The following PPP4R4 variants were observed in gnomAD, a reference collection of about 807,000 sequenced individuals.
The protein encoded by PPP4R4 is protein phosphatase 4 regulatory subunit 4.
Under a neutral mutation model 121.8 loss-of-function variants are expected in PPP4R4, and 70 were observed. The ratio of observed to expected loss-of-function variants is 0.57; its 90% confidence interval spans 0.47 to 0.70. The LOEUF is 0.70. Ranked by LOEUF, PPP4R4 falls within the 30% of genes least tolerant of loss-of-function variation. The probability of loss-of-function intolerance (pLI) is 0.00; values close to 1 mark genes in which losing one functional copy is unlikely to be tolerated. For synonymous variants in PPP4R4, 348 were observed against 355.7 expected (o/e 0.98, Z 0.24); for missense variants, 875 against 1,033.6 (o/e 0.85, Z 2.10).
At chr14:94,185,790 A>G (rs1328881181) in intron 2 of PPP4R4, among the ~76,000 whole-genome samples, 1 of 152,242 alleles carries the variant, frequency 6.6e-6, no homozygotes, top group Non-Finnish European at 1.5e-5. Flanking sequence ...AAATTCCCCC[A>G]TCTCCATTTT....
intron 2 of PPP4R4, among the ~76,000 whole-genome samples, chr14:94,190,506 CAGG>C (rs1450969206): frequency 6.6e-6 from 1 of 151,990 alleles, no homozygotes; most frequent in African/African-American, 2.4e-5. Context: ...GAGGCTGAGG[CAGG>C]AGAATTGCTT....
chr14:94,245,518 T>G (rs2139581721), intron 12 of PPP4R4, 69 bp from the exon 13 acceptor site: 3 of 801,010 alleles, frequency 3.7e-6, no homozygotes, highest in Non-Finnish European at 5.6e-6. Flanking sequence ...ATATAGAAAT[T>G]GACATGTAGA....
chr14:94,238,483 A>G (rs1244011308), intron 8 of PPP4R4, among the ~76,000 whole-genome samples: 1 of 152,144 alleles, frequency 6.6e-6, no homozygotes, highest in East Asian at 1.9e-4. Context: ...CCTTAATAAT[A>G]TTTTAATGCT....
intron 24 of PPP4R4, among the ~76,000 whole-genome samples, chr14:94,275,889 G>A (rs1277989785): frequency 6.6e-6 from 1 of 152,114 alleles, no homozygotes; most frequent in East Asian, 1.9e-4. Flanking sequence ...AGAAAGATTG[G>A]TAAAGCTGAT....
intron 22 of PPP4R4, among the ~76,000 whole-genome samples, chr14:94,266,256 TG>T (rs1894047618): frequency 6.6e-6 from 1 of 152,164 alleles, no homozygotes; most frequent in Admixed American, 6.5e-5. Flanking sequence ...CTACTAATAT[TG>T]TTTCTGTCTA....
chr14:94,226,369 G>A (rs1891700593), intron 3 of PPP4R4, among the ~76,000 whole-genome samples: 2 of 152,004 alleles, frequency 1.3e-5, no homozygotes, highest in African/African-American at 4.8e-5. Flanking sequence ...ACTTAGGAAT[G>A]GTAAAACATA....
intron 2 of PPP4R4, among the ~76,000 whole-genome samples, chr14:94,206,280 C>G (rs575515789): frequency 6.6e-6 from 1 of 152,014 alleles, no homozygotes; most frequent in South Asian, 2.1e-4. Flanking sequence ...CATATAGCCA[C>G]TCCTGCTTTC....
At position 94,196,160 on chromosome 14, in the gene PPP4R4, CT is replaced by C. The variant is rs5810662; in HGVS notation, c.192-12289del. Among the ~76,000 whole-genome samples the C allele has an allele frequency of 3.5e-3, 484 of 136,836 alleles. 1 individual carries two copies. The highest frequency in any genetic ancestry group is 7.1e-3 in the African/African-American group (262 of 36,806). 89.8% of individuals were successfully genotyped at this position (136,836 alleles called of 152,430 possible). A position where few individuals can be genotyped will look rare whatever the true frequency, so the allele number is the denominator to read the frequency against. On this transcript the variant is annotated intron_variant, in intron 2 of 24. Transcript: ENST00000304338. ...AGGTTTGTGGTATGTGCTTTTGAATCTTTTTTTTTTTTTTTGACTTAAAAAA... is the reference window on the plus strand; with the variant it reads ...AGGTTTGTGGTATGTGCTTTTGAATCTTTTTTTTTTTTTTGACTTAAAAAA...
At chr14:94,179,733 C>T (rs1301190401) in intron 2 of PPP4R4, among the ~76,000 whole-genome samples, 1 of 152,166 alleles carries the variant, frequency 6.6e-6, no homozygotes, top group African/African-American at 2.4e-5. Flanking sequence ...CTTAGTGGCG[C>T]TTTCTTCAAT....
At position 94,259,926 on chromosome 14, in the gene PPP4R4, C is replaced by T. The variant is rs950415911; in HGVS notation, c.2127+557C>T. Among the ~76,000 whole-genome samples, 5 of 152,100 alleles carry T rather than the reference C, an allele frequency of 3.3e-5. No homozygotes were observed. In the East Asian group the frequency reaches 5.8e-4, roughly 18 times the overall value. On this transcript the variant is annotated intron_variant, in intron 19 of 24. Transcript: ENST00000304338. ...TATTTCTGAGTAGTAGTCTATATTT[C>T]GGATATATCACAATTTGCTTATCCA...
In PPP4R4 at chr14:94,264,922, G is replaced by A; in HGVS notation, c.2172G>A (p.Met724Ile). The A allele has an allele frequency of 6.2e-7, 1 of 1,603,368 alleles. No homozygotes were observed. Among genetic ancestry groups the A allele is most frequent in the South Asian group, 1.1e-5 (1 of 88,508 alleles). The stretch of plus-strand genomic sequence containing the variant: ...AGCAACAGAATGATGGAAGGCCCAT[G>A]AGTGATAAAATGTTTGAAAAGAAAC... ...KEKQQNDGRP[M>I]SDKMFEKKRR... is the part of the protein sequence containing the mutation. Residue 724 changes from methionine (M) to isoleucine (I), a missense_variant, in exon 20 of 25, where the codon ATG (methionine) becomes ATA (isoleucine). Physicochemically the swap from Met to Ile is conservative, Grantham distance 10 (BLOSUM62 1). Transcript: ENST00000304338.
At chr14:94,176,166 T>TC (rs1888672028) in intron 2 of PPP4R4, 39 bp downstream of exon 2, 9 of 1,504,054 alleles carry the variant, frequency 6.0e-6, no homozygotes, top group Non-Finnish European at 8.3e-6. Context: ...TCTTCTTTTT[T>TC]CCCTGTGCAG....
At chr14:94,205,324 T>C (rs1168386863) in intron 2 of PPP4R4, among the ~76,000 whole-genome samples, 1 of 152,094 alleles carries the variant, frequency 6.6e-6, no homozygotes, top group Non-Finnish European at 1.5e-5. Flanking sequence ...CAAATTTATA[T>C]GTATAGAAGT....
chr14:94,191,817 T>C (rs1354569086), intron 2 of PPP4R4, among the ~76,000 whole-genome samples: 4 of 152,156 alleles, frequency 2.6e-5, no homozygotes, highest in Non-Finnish European at 4.4e-5. Flanking sequence ...TGAACATAAC[T>C]CTTACAAAAT....
intron 23 of PPP4R4, among the ~76,000 whole-genome samples, chr14:94,268,406 G>C (rs1894152926): frequency 6.6e-6 from 1 of 151,974 alleles, no homozygotes; most frequent in South Asian, 2.1e-4. Flanking sequence ...ATTCAGAAGT[G>C]GTTTTTAAAA....
At chr14:94,176,373 AGTT>A (rs969062227) in intron 2 of PPP4R4, among the ~76,000 whole-genome samples, 1 of 152,182 alleles carries the variant, frequency 6.6e-6, no homozygotes, top group African/African-American at 2.4e-5. Context: ...AGATGGTTGG[AGTT>A]GAACCTCATC....
Position 94,242,425 on chromosome 14 carries a change from G to A in PPP4R4, c.1266+17G>A. On this transcript the variant is annotated intron_variant, in intron 11 of 24. Transcript: ENST00000304338. ...TTTTATGAAGTAAGTCTGAAGACTTGATATCACTTTACGTTTGTTGTTAAT... is the reference window on the plus strand; with the variant it reads ...TTTTATGAAGTAAGTCTGAAGACTTAATATCACTTTACGTTTGTTGTTAAT... 6.3e-7 allele frequency: 1 copy of A among 1,598,464 alleles called. No homozygotes were observed. The highest frequency in any genetic ancestry group is 8.6e-7 in the Non-Finnish European group (1 of 1,166,588).
Position 94,191,061 on chromosome 14 carries a change from G to A in PPP4R4, c.191+14934G>A, listed in dbSNP as rs947404181. ...TAATATCAAATGTAATCTTTGTATT[G>A]CAGTATAATATGGAACAAATCCAAG... On this transcript the variant is annotated intron_variant, in intron 2 of 24. Transcript: ENST00000304338. Among the ~76,000 whole-genome samples, 7 of 152,042 alleles carry A rather than the reference G, an allele frequency of 4.6e-5. No homozygotes were observed. In the South Asian group the frequency reaches 6.2e-4, roughly 14 times the overall value.
intron 7 of PPP4R4, 68 bp downstream of exon 7, chr14:94,234,737 T>C (rs878990412): frequency 8.9e-7 from 1 of 1,128,328 alleles, no homozygotes; most frequent in Non-Finnish European, 1.3e-6. Flanking sequence ...GTATTTGATC[T>C]TTAAAAATGA....
Sources: allele counts gnomAD v4.1 joint callset (sites outside exome capture counted in the v4.1 genomes callset), GRCh38; gene constraint gnomAD v4.1.1; transcripts MANE v1.5; gene names NCBI Gene and HGNC (gene_info 2026-07-23, HGNC 2026-07-21).